Variants in KRT78 observed in about 807,000 individuals in gnomAD.
The protein encoded by KRT78 is keratin 78, also known as keratin, type II cytoskeletal 78.
Under a neutral mutation model 51.4 loss-of-function variants are expected in KRT78, and 55 were observed. The ratio of observed to expected loss-of-function variants is 1.07; its 90% confidence interval spans 0.86 to 1.34. KRT78 has a LOEUF of 1.34. Among genes scored for constraint, KRT78 ranks in the 40% most tolerant of loss-of-function variants. KRT78 has a pLI of 0.00. For missense variants in KRT78, 652 were observed against 649.4 expected (o/e 1.00, Z -0.04); for synonymous variants, 291 against 264.3 (o/e 1.10, Z -0.98).
chr12:52,846,442 G>A, intron 3 of KRT78, 150 bp from the exon 4 acceptor site: 1 of 671,402 alleles, frequency 1.5e-6, no homozygotes, highest in South Asian at 1.7e-5. Flanking sequence ...ACTCTGTCCT[G>A]CTCTCTCCTT....
rs199571850 is a variant in KRT78, at chr12:52,844,661, G to A, written c.819C>T (p.Asn273=). Residue 273 remains asparagine, a synonymous_variant, in exon 5 of 9, where the codon AAC becomes AAT. Coordinates refer to ENST00000304620, the MANE Select transcript of KRT78 (RefSeq NM_173352.4). ...TGATGCTGCTGAAGTCCAGGTAGCGGTTGTTGTCCATGGACAGCACCACAG... is the reference window on the plus strand; with the variant it reads ...TGATGCTGCTGAAGTCCAGGTAGCGATTGTTGTCCATGGACAGCACCACAG... ...DTSVVLSMDN[N]RYLDFSSIIT... is the part of the protein sequence containing the mutation. 4.5e-5 allele frequency: 72 copies of A among 1,614,172 alleles called. 1 individual carries two copies. The East Asian group carries it at 1.5e-3, about 33-fold the overall frequency.
chr12:52,847,581 A>T (rs1281275801), intron 2 of KRT78, among the ~76,000 whole-genome samples: 2 of 152,234 alleles, frequency 1.3e-5, no homozygotes, highest in African/African-American at 4.8e-5. Context: ...CTCAAGAATA[A>T]AAAAAGCCAC....
intron 6 of KRT78, among the ~76,000 whole-genome samples, chr12:52,841,334 A>T (rs2120393120): frequency 1.3e-5 from 2 of 151,996 alleles, no homozygotes; most frequent in South Asian, 4.2e-4. Flanking sequence ...ATAAAAAAAA[A>T]AAATTAGCCG....
rs890270667 is a variant in KRT78 at position 52,846,296 on chromosome 12, G to A, written c.661-4C>T. The stretch of plus-strand genomic sequence containing the variant: ...TCAGGAAAACCCCATCCACATCCTG[G>A]AGACAAGGGGAGAGAGAACACGTAA... On this transcript the variant is annotated splice_polypyrimidine_tract_variant and splice_region_variant and intron_variant, in intron 3 of 8. Transcript: ENST00000304620. The A allele has an allele frequency of 1.3e-6, 2 of 1,580,840 alleles. No homozygotes were observed. The highest frequency in any genetic ancestry group is 3.3e-5 in the Admixed American group (2 of 59,956).
rs1940716820 is a variant in KRT78 at position 52,848,898 on chromosome 12, GCCCCTCTGGGC to G, written c.22_32del (p.Ala8LeufsTer31). 2 of 1,580,802 alleles carry G rather than the reference GCCCCTCTGGGC, an allele frequency of 1.3e-6. No individual in the cohort carries two copies. Among genetic ancestry groups the G allele is most frequent in the Non-Finnish European group, 1.7e-6 (2 of 1,164,936 alleles). On this transcript the variant is annotated frameshift_variant, in exon 1 of 9. Transcript: ENST00000304620. LOFTEE classifies it high-confidence loss of function. ...CAGAACAGGCTGAGCGAGCGCTGAA[GCCCCTCTGGGC>G]CCGGCATGGGGAGAGAGACATGGCA...
chr12:52,844,160 A>G lies in KRT78; in HGVS notation c.980T>C (p.Val327Ala). The stretch of plus-strand genomic sequence containing the variant: ...CTCTTGGTGTAGCTGAGAGATCTGG[A>G]CTTTCGTTTCCTGCATCCTGTCCCC... The part of the protein sequence containing the change: ...LHGDRMQETK[V>A]QISQLHQEIQ... Residue 327 changes from valine (V) to alanine (A), a missense_variant, in exon 6 of 9, where the codon GTC becomes GCC. Val to Ala is a moderately conservative substitution (Grantham distance 64). Coordinates refer to ENST00000304620, the MANE Select transcript of KRT78 (RefSeq NM_173352.4). 6.2e-7 allele frequency: 1 copy of G among 1,611,586 alleles called. No homozygotes were observed. The highest frequency in any genetic ancestry group is 1.3e-5 in the African/African-American group (1 of 74,726).
In KRT78 at chr12:52,837,834, T is replaced by C. The variant is rs1384526267; in HGVS notation, c.*1279A>G. 6.6e-6 allele frequency: 1 copy of C among 152,250 alleles called. No homozygotes were observed. The highest frequency in any genetic ancestry group is 2.4e-5 in the African/African-American group (1 of 41,464). The allele number at this position is 152,250 out of a possible 1,614,324, so 9.4% of individuals were successfully genotyped here. On this transcript the variant is annotated 3_prime_UTR_variant, in exon 9 of 9. Transcript: ENST00000304620. ...TTTCAAAAAGTCAATTTAATTGAAC[T>C]ACCTTGGATGAATTTAGTTTCCTTC... is the stretch of plus-strand genomic sequence containing the variant.
chr12:52,841,123 C>A (rs1277424221), intron 6 of KRT78, among the ~76,000 whole-genome samples: 1 of 152,224 alleles, frequency 6.6e-6, no homozygotes, highest in Non-Finnish European at 1.5e-5. Flanking sequence ...TTCAGACAGT[C>A]CCATTTCAAA....
intron 6 of KRT78, among the ~76,000 whole-genome samples, chr12:52,840,805 C>T (rs1031970971): frequency 1.3e-5 from 2 of 152,178 alleles, no homozygotes; most frequent in Non-Finnish European, 2.9e-5. Context: ...GCTAGCAAGA[C>T]CCAGGGAGGA....
chr12:52,848,133 G>C lies in KRT78; in HGVS notation c.385-12C>G. The C allele has an allele frequency of 1.2e-6, 2 of 1,613,290 alleles. No individual in the cohort carries two copies. Among genetic ancestry groups the C allele is most frequent in the Non-Finnish European group, 1.7e-6 (2 of 1,179,564 alleles). Reference sequence around the variant, plus strand: ...TCCAGGAACCGCACCTGCAGCAAAAGCAGAGGATCCCTGAGGCTCCTGTGG... The same window carrying C: ...TCCAGGAACCGCACCTGCAGCAAAACCAGAGGATCCCTGAGGCTCCTGTGG... On this transcript the variant is annotated splice_polypyrimidine_tract_variant and intron_variant, in intron 1 of 8. Transcript: ENST00000304620.
chr12:52,839,017 GGGCTGTGGGCAGCGGACAC>G lies in KRT78; in HGVS notation c.*77_*95del. Reference sequence around the variant, plus strand: ...TGCAGCATCCGCTGTGGGCTGGCTTGGGCTGTGGGCAGCGGACACGGAGTTGGCCTTGCAGAGCCGGCTG... The same window carrying G: ...TGCAGCATCCGCTGTGGGCTGGCTTGGGAGTTGGCCTTGCAGAGCCGGCTG... On this transcript the variant is annotated 3_prime_UTR_variant, in exon 9 of 9. Coordinates refer to ENST00000304620, the MANE Select transcript of KRT78 (RefSeq NM_173352.4). 1 of 1,424,524 alleles carries G rather than the reference GGGCTGTGGGCAGCGGACAC, an allele frequency of 7.0e-7. No homozygotes were observed. Among genetic ancestry groups the G allele is most frequent in the Admixed American group, 2.0e-5 (1 of 51,018 alleles). The allele number at this position is 1,424,524 out of a possible 1,614,324, so 88.2% of individuals were successfully genotyped here.
At chr12:52,839,601 C>T in intron 7 of KRT78, 114 bp from the exon 8 acceptor site, 2 of 1,318,862 alleles carry the variant, frequency 1.5e-6, no homozygotes, top group Non-Finnish European at 2.1e-6. Context: ...AGATAAAATC[C>T]ACAGTCTCCA....
At chr12:52,847,414 C>T (rs371666023) in intron 2 of KRT78, among the ~76,000 whole-genome samples, 9 of 152,340 alleles carry the variant, frequency 5.9e-5, no homozygotes, top group African/African-American at 2.2e-4. Context: ...GCTCTCTCCA[C>T]TCCACCAGGT....
chr12:52,848,223 C>T (rs750769350), intron 1 of KRT78, 102 bp from the exon 2 acceptor site: 8 of 1,547,354 alleles, frequency 5.2e-6, no homozygotes, highest in Non-Finnish European at 7.0e-6. Context: ...CTCACCTTTC[C>T]CCTGTCCCCC....
chr12:52,846,894 A>C, intron 2 of KRT78, 70 bp from the exon 3 acceptor site: 1 of 1,186,856 alleles, frequency 8.4e-7, no homozygotes, highest in Non-Finnish European at 1.2e-6. Flanking sequence ...ATGTCCGAGC[A>C]TGACCTCCCT....
At chr12:52,846,731 G>T in intron 3 of KRT78, 33 bp downstream of exon 3, 1 of 1,596,300 alleles carries the variant, frequency 6.3e-7, no homozygotes, top group Non-Finnish European at 8.6e-7. Flanking sequence ...TGGATGCTCA[G>T]AACGTAAGTG....
At chr12:52,848,306 T>G in intron 1 of KRT78, 185 bp from the exon 2 acceptor site, 1 of 1,530,466 alleles carries the variant, frequency 6.5e-7, no homozygotes, top group Admixed American at 2.0e-5. Flanking sequence ...CTGGACTGAC[T>G]AATGGGGCAG....
In KRT78 at chr12:52,838,997, C is replaced by A; in HGVS notation, c.*116G>T. 1 of 1,228,988 alleles carries A rather than the reference C, an allele frequency of 8.1e-7. No homozygotes were observed. Among genetic ancestry groups the A allele is most frequent in the Non-Finnish European group, 1.1e-6 (1 of 890,598 alleles). 76.1% of individuals were successfully genotyped at this position (1,228,988 alleles called of 1,614,324 possible). ...GGGGAGACTTTATTGATTTTTGCAG[C>A]ATCCGCTGTGGGCTGGCTTGGGCTG... On this transcript the variant is annotated 3_prime_UTR_variant, in exon 9 of 9. Transcript: ENST00000304620.
chr12:52,838,365 CT>C lies in KRT78; in HGVS notation c.*747del, dbSNP rs1438827589. 3 of 152,334 alleles carry C rather than the reference CT, an allele frequency of 2.0e-5. No individual in the cohort carries two copies. The highest frequency in any genetic ancestry group is 7.2e-5 in the African/African-American group (3 of 41,430). 9.4% of individuals were successfully genotyped at this position (152,334 alleles called of 1,614,324 possible). A position where few individuals can be genotyped will look rare whatever the true frequency, so the allele number is the denominator to read the frequency against. On this transcript the variant is annotated 3_prime_UTR_variant, in exon 9 of 9. Transcript: ENST00000304620. ...AGAAGTTTCCAGCCTCATGTTCACA[CT>C]TGCCCAAGGATAAGATGAGAGCCAA... is the stretch of plus-strand genomic sequence containing the variant.
Sources: gnomAD v4.1 joint callset for allele counts (sites outside exome capture counted in the v4.1 genomes callset) on GRCh38, gnomAD v4.1.1 for gene constraint, MANE v1.5 for transcripts, NCBI Gene and HGNC (gene_info 2026-07-23, HGNC 2026-07-21) for gene names.